Variants in KIDINS220 observed in about 807,000 individuals in gnomAD.
The protein encoded by KIDINS220 is kinase D-interacting substrate of 220 kDa.
KIDINS220 carries 63 observed loss-of-function variants against 157.6 expected under a neutral mutation model. The ratio of observed to expected loss-of-function variants is 0.40; its 90% confidence interval spans 0.33 to 0.49. The LOEUF is 0.49. KIDINS220 is among the 20% of genes least tolerant of loss of function. KIDINS220 has a pLI of 0.66. For missense variants in KIDINS220, 1,772 were observed against 2,171.2 expected, an observed-to-expected ratio of 0.82 and a Z score of 3.65; for synonymous variants, 732 against 783.6, an observed-to-expected ratio of 0.93 and a Z score of 1.10.
In KIDINS220 at chr2:8,789,998, T is replaced by C. The variant is rs202154759; in HGVS notation, c.1503A>G (p.Ile501Met). 5.9e-4 allele frequency: 955 copies of C among 1,612,880 alleles called. No individual in the cohort carries two copies. Among genetic ancestry groups the C allele is most frequent in the Non-Finnish European group, 7.7e-4 (906 of 1,179,750 alleles). Residue 501 changes from isoleucine to methionine, a missense_variant, in exon 14 of 30, where the codon ATA (isoleucine) becomes ATG (methionine). This residue lies in a region of KIDINS220 where 725 missense variants were observed against 1,017.1 expected (regional missense o/e 0.71). Transcript: ENST00000256707. ...IEPLFQFSWL[I>M]VFLTLLLCGG... ...CACAAAGTAGCAGGGTAAGAAACAC[T>C]ATGAGCCATGAGAACTGAAAGAGAG...
chr2:8,747,213 A>T lies in KIDINS220; in HGVS notation c.3529-12T>A. On this transcript the variant is annotated splice_polypyrimidine_tract_variant and intron_variant, in intron 25 of 29. Transcript: ENST00000256707. ...TCCTTGATAACTTCCTAACAACACAAAACAGGAGAGTGTGGGTGAAAAGGG... is the reference window on the plus strand; with the variant it reads ...TCCTTGATAACTTCCTAACAACACATAACAGGAGAGTGTGGGTGAAAAGGG... 1 of 1,613,440 alleles carries T rather than the reference A, an allele frequency of 6.2e-7. No homozygotes were observed. Among genetic ancestry groups the T allele is most frequent in the South Asian group, 1.1e-5 (1 of 91,060 alleles).
At chr2:8,780,543 G>A (rs201828492) in intron 17 of KIDINS220, among the ~76,000 whole-genome samples, 3 of 150,244 alleles carry the variant, frequency 2.0e-5, no homozygotes, top group Non-Finnish European at 4.5e-5. Flanking sequence ...TGTGTGTGTG[G>A]TGGGGGGTGT....
At chr2:8,811,874 C>A (rs964717392) in intron 6 of KIDINS220, among the ~76,000 whole-genome samples, 1 of 151,870 alleles carries the variant, frequency 6.6e-6, no homozygotes. Context: ...GAGGAAGAGG[C>A]GGGCACACTG....
chr2:8,756,035 G>C (rs1667969219), intron 22 of KIDINS220, among the ~76,000 whole-genome samples: 1 of 152,108 alleles, frequency 6.6e-6, no homozygotes, highest in Non-Finnish European at 1.5e-5. Flanking sequence ...AATTTTGATA[G>C]GTATAATATT....
intron 22 of KIDINS220, among the ~76,000 whole-genome samples, chr2:8,764,115 C>T (rs1669125511): frequency 6.6e-6 from 1 of 152,104 alleles, no homozygotes; most frequent in African/African-American, 2.4e-5. Flanking sequence ...AGCTTGAGGC[C>T]ATTATTCTAA....
chr2:8,735,892 C>T (rs1664788240), intron 27 of KIDINS220, among the ~76,000 whole-genome samples: 1 of 152,184 alleles, frequency 6.6e-6, no homozygotes, highest in South Asian at 2.1e-4. Flanking sequence ...AAAACCACTA[C>T]CCCGATGGGA....
At chr2:8,796,016 A>C (rs1251899814) in intron 11 of KIDINS220, among the ~76,000 whole-genome samples, 1 of 152,216 alleles carries the variant, frequency 6.6e-6, no homozygotes, top group Non-Finnish European at 1.5e-5. Context: ...ATGTTTTAAA[A>C]TAATGTTGTA....
intron 20 of KIDINS220, among the ~76,000 whole-genome samples, chr2:8,777,767 C>T (rs1671158394): frequency 6.6e-6 from 1 of 152,048 alleles, no homozygotes; most frequent in Non-Finnish European, 1.5e-5. Flanking sequence ...GTCTAAGGTC[C>T]CGATGCAAGG....
At chr2:8,832,944 G>A (rs1296544229) in intron 1 of KIDINS220, among the ~76,000 whole-genome samples, 1 of 151,712 alleles carries the variant, frequency 6.6e-6, no homozygotes, top group African/African-American at 2.4e-5. Flanking sequence ...TATGGGGTAT[G>A]TGTAATATTT....
chr2:8,769,007 A>G (rs1669830633), intron 22 of KIDINS220, among the ~76,000 whole-genome samples: 1 of 152,222 alleles, frequency 6.6e-6, no homozygotes, highest in Admixed American at 6.5e-5. Flanking sequence ...TTCACCAGGA[A>G]GAGAAGAAAA....
Position 8,813,340 on chromosome 2 carries a change from AC to A in KIDINS220, c.307-6del, listed in dbSNP as rs1242122557. On this transcript the variant is annotated splice_region_variant and splice_polypyrimidine_tract_variant and intron_variant, in intron 4 of 29. Coordinates refer to ENST00000256707, the MANE Select transcript of KIDINS220 (RefSeq NM_020738.4). ...CATAAGAGCTGTCCATCCTCCCTAA[AC>A]AAAAAATGTAGGGGTAAGGGAATCA... 1 of 1,600,982 alleles carries A rather than the reference AC, an allele frequency of 6.2e-7. No individual in the cohort carries two copies. Among genetic ancestry groups the A allele is most frequent in the South Asian group, 1.1e-5 (1 of 89,178 alleles).
chr2:8,772,233 TGG>T (rs1670329469), intron 21 of KIDINS220, among the ~76,000 whole-genome samples: 4 of 152,052 alleles, frequency 2.6e-5, no homozygotes, highest in Non-Finnish European at 5.9e-5. Flanking sequence ...CCCAGCACTT[TGG>T]GAGGCAGAGG....
Position 8,800,462 on chromosome 2 carries a change from C to T in KIDINS220, c.838G>A (p.Gly280Ser), listed in dbSNP as rs778915244. 1 of 1,613,088 alleles carries T rather than the reference C, an allele frequency of 6.2e-7. No individual in the cohort carries two copies. Among genetic ancestry groups the T allele is most frequent in the African/African-American group, 1.3e-5 (1 of 74,974 alleles). ...DTVLIGAVRG[G>S]HVEIVRALLQ... ...AGCGCTCGAACAATTTCAACATGACCACCTCTGACAGCGCCAATCAACACA... is the reference window on the plus strand; with the variant it reads ...AGCGCTCGAACAATTTCAACATGACTACCTCTGACAGCGCCAATCAACACA... Residue 280 changes from glycine to serine, a missense_variant, in exon 9 of 30, where the codon GGT (glycine) becomes AGT (serine). This residue lies in a region of KIDINS220 where 725 missense variants were observed against 1,017.1 expected (regional missense o/e 0.71). Transcript: ENST00000256707.
At chr2:8,738,183 A>G (rs1254812455) in intron 26 of KIDINS220, among the ~76,000 whole-genome samples, 1 of 152,216 alleles carries the variant, frequency 6.6e-6, no homozygotes, top group Admixed American at 6.5e-5. Context: ...TAATATAACT[A>G]AATAATTGAA....
At chr2:8,777,380 C>T (rs1169809540) in intron 20 of KIDINS220, among the ~76,000 whole-genome samples, 1 of 152,154 alleles carries the variant, frequency 6.6e-6, no homozygotes, top group Admixed American at 6.5e-5. Flanking sequence ...CTCGCTGCAA[C>T]CTGGATGTTC....
chr2:8,831,264 C>T (rs1167735467), intron 1 of KIDINS220, among the ~76,000 whole-genome samples: 1 of 152,174 alleles, frequency 6.6e-6, no homozygotes, highest in East Asian at 1.9e-4. Flanking sequence ...AGATTCTTCA[C>T]AATCTGGCCC....
intron 21 of KIDINS220, among the ~76,000 whole-genome samples, chr2:8,772,871 T>C (rs1230949966): frequency 6.6e-6 from 1 of 152,202 alleles, no homozygotes; most frequent in Non-Finnish European, 1.5e-5. Flanking sequence ...CATACACTTT[T>C]GCATACATGG....
intron 3 of KIDINS220, 64 bp downstream of exon 3, chr2:8,818,631 G>C: frequency 2.0e-6 from 2 of 1,017,948 alleles, no homozygotes; most frequent in South Asian, 1.6e-5. Context: ...AATCACTTCT[G>C]AAAAACAAAA....
chr2:8,731,860 A>G lies in KIDINS220; in HGVS notation c.4176T>C (p.Ala1392=). 3 of 1,614,130 alleles carry G rather than the reference A, an allele frequency of 1.9e-6. No homozygotes were observed. Among genetic ancestry groups the G allele is most frequent in the Non-Finnish European group, 2.5e-6 (3 of 1,180,032 alleles). Residue 1392 remains alanine (A), a synonymous_variant, in exon 30 of 30, where the codon GCT becomes GCC. Coordinates refer to ENST00000256707, the MANE Select transcript of KIDINS220 (RefSeq NM_020738.4). The surrounding 1 kb of genome is among the most constrained non-coding windows in gnomAD (Gnocchi z 5.2). ...GGCCCCCTTCTAACTGGGACATCTG[A>G]GCAATGTATTCTCTATAGGCATCTC... ...EYRDAYREYI[A]QMSQLEGGPG... is the part of the protein sequence containing the mutation.
Sources: gnomAD v4.1 joint callset for allele counts (sites outside exome capture counted in the v4.1 genomes callset) on GRCh38, gnomAD v4.1.1 for gene constraint, gnomAD v4.1.1 regional missense constraint, Gnocchi (gnomAD v3.1) non-coding constraint, MANE v1.5 for transcripts, NCBI Gene and HGNC (gene_info 2026-07-23, HGNC 2026-07-21) for gene names.